WWOX: variants seen among roughly 807,000 people sequenced by gnomAD.
The protein encoded by WWOX is WW domain containing oxidoreductase, also known as WW domain-containing oxidoreductase.
A neutral mutation model predicts 46.2 loss-of-function variants in WWOX; 69 were observed. That is an observed-to-expected ratio of 1.49 (90% CI 1.23 to 1.82). The LOEUF (loss-of-function observed/expected upper bound fraction) is 1.82. WWOX is among the 40% of genes most tolerant of loss of function. WWOX has a pLI of 0.00. For synonymous variants in WWOX, 359 were observed against 202.6 expected (o/e 1.77, Z -6.56); for missense variants, 919 against 542.6 (o/e 1.69, Z -6.89).
chr16:78,116,012 A>T (rs916226588), intron 4 of WWOX, among the ~76,000 whole-genome samples: 4 of 151,372 alleles, frequency 2.6e-5, no homozygotes, highest in Admixed American at 2.0e-4. Flanking sequence ...TTTTATTTTT[A>T]TTTTTTGTGG....
chr16:78,273,255 C>A (rs1398776534), intron 5 of WWOX, among the ~76,000 whole-genome samples: 1 of 152,164 alleles, frequency 6.6e-6, no homozygotes, highest in African/African-American at 2.4e-5. Flanking sequence ...TCCACCTGTA[C>A]CCTGAATTGG....
intron 8 of WWOX, among the ~76,000 whole-genome samples, chr16:79,121,114 C>T (rs1328200395): frequency 6.6e-6 from 1 of 152,162 alleles, no homozygotes; most frequent in Non-Finnish European, 1.5e-5. Flanking sequence ...ATGTAGGACC[C>T]ACTTGGAATA....
chr16:78,107,740 T>C (rs1183755620), intron 1 of WWOX, among the ~76,000 whole-genome samples: 2 of 152,112 alleles, frequency 1.3e-5, no homozygotes, highest in African/African-American at 2.4e-5. Flanking sequence ...GAGGCTGAAA[T>C]AGGAGGGTTA....
intron 4 of WWOX, among the ~76,000 whole-genome samples, chr16:78,115,593 CT>C (rs1242700932): frequency 6.6e-6 from 1 of 152,154 alleles, no homozygotes; most frequent in African/African-American, 2.4e-5. Flanking sequence ...ATATCATTTT[CT>C]TTTGGGCACA....
intron 8 of WWOX, among the ~76,000 whole-genome samples, chr16:78,656,352 T>C (rs1022229450): frequency 2.0e-5 from 3 of 152,130 alleles, no homozygotes; most frequent in Admixed American, 1.3e-4. Flanking sequence ...TGTTCTCACA[T>C]TGATGTAAAG....
intron 5 of WWOX, among the ~76,000 whole-genome samples, chr16:78,221,359 G>C (rs906227283): frequency 2.2e-4 from 34 of 152,270 alleles, no homozygotes; most frequent in Admixed American, 5.2e-4. Flanking sequence ...GAAGGAAAAA[G>C]TGTAATATAA....
intron 8 of WWOX, among the ~76,000 whole-genome samples, chr16:78,866,208 C>A (rs1214433857): frequency 1.3e-5 from 2 of 152,084 alleles, no homozygotes; most frequent in Admixed American, 6.5e-5. Flanking sequence ...AATCCTTCTG[C>A]CAGTCTCCAT....
intron 8 of WWOX, among the ~76,000 whole-genome samples, chr16:78,959,903 A>T (rs1306087814): frequency 3.9e-5 from 6 of 152,242 alleles, no homozygotes; most frequent in Non-Finnish European, 8.8e-5. Context: ...CAGCCTGGGC[A>T]TCAAGAGTTT....
At chr16:79,064,782 C>G (rs536826115) in intron 8 of WWOX, among the ~76,000 whole-genome samples, 11 of 152,250 alleles carry the variant, frequency 7.2e-5, no homozygotes, top group South Asian at 2.1e-4. Context: ...ATTCACAGCA[C>G]TGGGTGTGAG....
intron 5 of WWOX, among the ~76,000 whole-genome samples, chr16:78,255,218 CCTT>C (rs2038096006): frequency 6.6e-6 from 1 of 152,208 alleles, no homozygotes; most frequent in Non-Finnish European, 1.5e-5. Flanking sequence ...CCCCTGCTGT[CCTT>C]CTAGTCAGTT....
intron 5 of WWOX, among the ~76,000 whole-genome samples, chr16:78,337,598 C>T (rs1386537552): frequency 6.6e-6 from 1 of 152,108 alleles, no homozygotes; most frequent in Non-Finnish European, 1.5e-5. Context: ...TGAAACCATT[C>T]CAATTTCATA....
intron 8 of WWOX, among the ~76,000 whole-genome samples, chr16:78,814,155 G>T (rs1335167414): frequency 6.6e-6 from 1 of 152,200 alleles, no homozygotes; most frequent in Non-Finnish European, 1.5e-5. Flanking sequence ...TCCTCCCGCT[G>T]CCGGCAAGCG....
chr16:78,847,385 T>G (rs576915751), intron 8 of WWOX, among the ~76,000 whole-genome samples: 1 of 152,364 alleles, frequency 6.6e-6, no homozygotes, highest in Admixed American at 6.5e-5. Flanking sequence ...TATTTGTTCA[T>G]ATATTTATAA....
chr16:78,605,808 T>G (rs893588671), intron 8 of WWOX, among the ~76,000 whole-genome samples: 2 of 152,182 alleles, frequency 1.3e-5, no homozygotes, highest in African/African-American at 4.8e-5. Flanking sequence ...ATGGTTAAAT[T>G]GAACCTTTCC....
chr16:78,126,688 T>A (rs1188056270), intron 4 of WWOX, among the ~76,000 whole-genome samples: 1 of 152,212 alleles, frequency 6.6e-6, no homozygotes, highest in Non-Finnish European at 1.5e-5. Context: ...CTCCTCAGTT[T>A]GCTTCACTAA....
At chr16:78,723,946 T>A (rs980320593) in intron 8 of WWOX, among the ~76,000 whole-genome samples, 2 of 152,174 alleles carry the variant, frequency 1.3e-5, no homozygotes, top group African/African-American at 4.8e-5. Context: ...ACCTGCACAG[T>A]GGTTTCACCA....
intron 8 of WWOX, among the ~76,000 whole-genome samples, chr16:78,924,882 T>C (rs902184887): frequency 2.6e-5 from 4 of 152,182 alleles, no homozygotes; most frequent in Admixed American, 6.5e-5. Context: ...CAGTGTGCTC[T>C]CAATGTTTGT....
At chr16:78,725,503 A>G (rs1306473979) in intron 8 of WWOX, among the ~76,000 whole-genome samples, 1 of 149,208 alleles carries the variant, frequency 6.7e-6, no homozygotes, top group Non-Finnish European at 1.5e-5. Context: ...ATCTGCCACC[A>G]TGCACGGCTA....
intron 5 of WWOX, among the ~76,000 whole-genome samples, chr16:78,317,387 G>C (rs953917809): frequency 1.4e-4 from 22 of 152,128 alleles, no homozygotes; most frequent in African/African-American, 5.3e-4. Flanking sequence ...ATGGAGACTG[G>C]ATACTGCATC....
Sources: gnomAD v4.1 joint callset for allele counts (sites outside exome capture counted in the v4.1 genomes callset) on GRCh38, gnomAD v4.1.1 for gene constraint, MANE v1.5 for transcripts, NCBI Gene and HGNC (gene_info 2026-07-23, HGNC 2026-07-21) for gene names.